Variants in CYRIA observed in about 807,000 individuals in gnomAD.
CYRIA encodes the protein CYFIP related Rac1 interactor A.
A neutral mutation model predicts 43.9 loss-of-function variants in CYRIA; 15 were observed. That is an observed-to-expected ratio of 0.34 (90% CI 0.23 to 0.53). The LOEUF (loss-of-function observed/expected upper bound fraction) is 0.53. Ranked by LOEUF, CYRIA falls within the 20% of genes least tolerant of loss-of-function variation. The pLI, the probability that CYRIA is intolerant of heterozygous loss-of-function variation, is 0.94. For synonymous variants in CYRIA, 117 were observed against 136.0 expected, an observed-to-expected ratio of 0.86 and a Z score of 0.97; for missense variants, 236 against 394.2, an observed-to-expected ratio of 0.60 and a Z score of 3.40.
intron 2 of CYRIA, among the ~76,000 whole-genome samples, chr2:16,612,748 C>T (rs561328562): frequency 6.6e-6 from 1 of 151,400 alleles, no homozygotes; most frequent in South Asian, 2.2e-4. Context: ...AGCAATGTCT[C>T]CCCACCAAGC....
chr2:16,598,803 G>T (rs1451306629), intron 2 of CYRIA, among the ~76,000 whole-genome samples: 1 of 120,974 alleles, frequency 8.3e-6, no homozygotes, highest in Non-Finnish European at 1.6e-5. Flanking sequence ...AGGAGGAGAG[G>T]TGCTCTGCGT....
At chr2:16,656,526 G>A (rs1220956166) in intron 1 of CYRIA, among the ~76,000 whole-genome samples, 1 of 152,176 alleles carries the variant, frequency 6.6e-6, no homozygotes, top group East Asian at 1.9e-4. Context: ...TGGAAGTTAA[G>A]GTCACTCCTC....
intron 5 of CYRIA, among the ~76,000 whole-genome samples, chr2:16,562,627 C>T (rs1287434128): frequency 6.6e-6 from 1 of 152,150 alleles, no homozygotes; most frequent in Non-Finnish European, 1.5e-5. Context: ...ATTGCCCTAT[C>T]TACCTCCATT....
In CYRIA at chr2:16,549,950, T is replaced by C. The variant is rs914332662; in HGVS notation, c.*2986A>G. The C allele has an allele frequency of 3.3e-5, 5 of 151,748 alleles. No individual in the cohort carries two copies. The East Asian group carries it at 7.8e-4, about 24-fold the overall frequency. 9.4% of individuals were successfully genotyped at this position (151,748 alleles called of 1,614,324 possible). ...TCCAAACTTTCTTTCTGGTTGTTAA[T>C]ACTCCACCCCTAATGTGAAGACATC... is the stretch of plus-strand genomic sequence containing the variant. On this transcript the variant is annotated 3_prime_UTR_variant, in exon 12 of 12. Transcript: ENST00000381323.
At chr2:16,654,555 G>A (rs1670055004) in intron 1 of CYRIA, among the ~76,000 whole-genome samples, 1 of 152,156 alleles carries the variant, frequency 6.6e-6, no homozygotes, top group African/African-American at 2.4e-5. Context: ...ATGGAAACGT[G>A]TAGAAGTTTT....
At chr2:16,557,485 T>C (rs140688479) in intron 10 of CYRIA, among the ~76,000 whole-genome samples, 47 of 152,140 alleles carry the variant, frequency 3.1e-4, no homozygotes, top group African/African-American at 6.5e-4. Flanking sequence ...ACGAGCCCAG[T>C]GACTATAACT....
At chr2:16,591,294 T>C (rs906145256) in intron 2 of CYRIA, among the ~76,000 whole-genome samples, 1 of 152,166 alleles carries the variant, frequency 6.6e-6, no homozygotes, top group African/African-American at 2.4e-5. Flanking sequence ...AGATGAATTA[T>C]AAGCCATCCC....
At chr2:16,647,813 T>C (rs751363066) in intron 1 of CYRIA, among the ~76,000 whole-genome samples, 3 of 152,182 alleles carry the variant, frequency 2.0e-5, no homozygotes, top group Admixed American at 2.0e-4. Context: ...AGGTGTCTGC[T>C]AATCAGACTG....
At chr2:16,659,614 G>GCTT (rs1438232326) in intron 1 of CYRIA, among the ~76,000 whole-genome samples, 1 of 152,180 alleles carries the variant, frequency 6.6e-6, no homozygotes, top group Non-Finnish European at 1.5e-5. Flanking sequence ...ACAGCATGAA[G>GCTT]CTTCTCACAT....
chr2:16,573,164 T>C (rs1667204413), intron 3 of CYRIA, among the ~76,000 whole-genome samples: 1 of 152,220 alleles, frequency 6.6e-6, no homozygotes, highest in Non-Finnish European at 1.5e-5. Context: ...TCAGCTTACA[T>C]TTCATGCCCA....
At chr2:16,606,214 C>G (rs1306801910) in intron 2 of CYRIA, among the ~76,000 whole-genome samples, 1 of 152,070 alleles carries the variant, frequency 6.6e-6, no homozygotes, top group Non-Finnish European at 1.5e-5. Flanking sequence ...TTCCCTCACC[C>G]AACAAAAAGC....
At chr2:16,664,211 G>A (rs951272335) in intron 1 of CYRIA, among the ~76,000 whole-genome samples, 1 of 152,172 alleles carries the variant, frequency 6.6e-6, no homozygotes, top group African/African-American at 2.4e-5. Context: ...CCCAGAGGCA[G>A]GAGGGAATGT....
intron 3 of CYRIA, among the ~76,000 whole-genome samples, chr2:16,573,910 G>A (rs1169406608): frequency 6.6e-6 from 1 of 152,202 alleles, no homozygotes; most frequent in East Asian, 1.9e-4. Flanking sequence ...ATTGGTACCA[G>A]TACAGTGCAG....
intron 9 of CYRIA, among the ~76,000 whole-genome samples, chr2:16,560,012 AAC>A (rs1463399950): frequency 2.6e-5 from 4 of 152,160 alleles, no homozygotes; most frequent in Admixed American, 6.5e-5. Context: ...CCTTTGTTAA[AAC>A]ACAGGCTGCA....
At chr2:16,637,157 C>G (rs1364313818) in intron 1 of CYRIA, among the ~76,000 whole-genome samples, 1 of 152,080 alleles carries the variant, frequency 6.6e-6, no homozygotes, top group Non-Finnish European at 1.5e-5. Flanking sequence ...TTTGGCCAAA[C>G]AGCTAATGGA....
At chr2:16,610,936 A>ATATATATATC (rs1213859384) in intron 2 of CYRIA, among the ~76,000 whole-genome samples, 3 of 127,942 alleles carry the variant, frequency 2.3e-5, no homozygotes, top group South Asian at 2.4e-4. Flanking sequence ...ATATATATAT[A>ATATATATATC]TCCTGTATAT....
intron 1 of CYRIA, among the ~76,000 whole-genome samples, chr2:16,637,931 T>C (rs896861936): frequency 1.3e-5 from 2 of 152,142 alleles, no homozygotes; most frequent in Non-Finnish European, 2.9e-5. Context: ...AGGGACTGTG[T>C]CCACTTAGGG....
intron 2 of CYRIA, among the ~76,000 whole-genome samples, chr2:16,612,758 C>A (rs115901678): frequency 1.3e-5 from 2 of 152,146 alleles, no homozygotes; most frequent in African/African-American, 2.4e-5. Flanking sequence ...CCCCACCAAG[C>A]GGAGGTGGAT....
chr2:16,606,395 GTCTC>G (rs1668398451), intron 2 of CYRIA, among the ~76,000 whole-genome samples: 1 of 150,298 alleles, frequency 6.7e-6, no homozygotes, highest in East Asian at 1.9e-4. Flanking sequence ...TCTCTCTCCA[GTCTC>G]TCTCTCTCCT....
Sources: gnomAD v4.1 joint callset for allele counts (sites outside exome capture counted in the v4.1 genomes callset) on GRCh38, gnomAD v4.1.1 for gene constraint, MANE v1.5 for transcripts, NCBI Gene and HGNC (gene_info 2026-07-23, HGNC 2026-07-21) for gene names.